The following CEP135 variants were observed in gnomAD, a reference collection of about 807,000 sequenced individuals.
CEP135 encodes the protein centrosomal protein 135.
Under a neutral mutation model 157.3 loss-of-function variants are expected in CEP135, and 142 were observed. The observed-to-expected ratio is 0.90, with a 90% CI of 0.79 to 1.04. The LOEUF (loss-of-function observed/expected upper bound fraction) is 1.04. CEP135 is among the 50% of genes least tolerant of loss of function. The pLI, the probability that CEP135 is intolerant of heterozygous loss-of-function variation, is 0.00. For synonymous variants in CEP135, 396 were observed against 439.8 expected, an observed-to-expected ratio of 0.90 and a Z score of 1.25; for missense variants, 1,317 against 1,309.2, an observed-to-expected ratio of 1.01 and a Z score of -0.09.
At chr4:56,009,516 G>A (rs1363428403) in intron 18 of CEP135, among the ~76,000 whole-genome samples, 2 of 152,036 alleles carry the variant, frequency 1.3e-5, no homozygotes, top group Non-Finnish European at 2.9e-5. Context: ...CTTGACTGTT[G>A]GAATAACATT....
At chr4:56,030,216 C>G (rs1038944340) in intron 25 of CEP135, among the ~76,000 whole-genome samples, 1 of 152,060 alleles carries the variant, frequency 6.6e-6, no homozygotes, top group African/African-American at 2.4e-5. Context: ...TGCCTTCTTC[C>G]GGAATACTTC....
chr4:56,025,259 G>A (rs1292089945), intron 25 of CEP135, among the ~76,000 whole-genome samples: 4 of 152,132 alleles, frequency 2.6e-5, no homozygotes, highest in African/African-American at 9.7e-5. Flanking sequence ...GGGACTACAG[G>A]CTGGTCCATG....
chr4:55,997,845 G>A (rs905499766), intron 15 of CEP135, among the ~76,000 whole-genome samples: 38 of 152,240 alleles, frequency 2.5e-4, no homozygotes, highest in African/African-American at 8.4e-4. Flanking sequence ...CTAGCTTTTA[G>A]GAATAGTGTG....
rs766575411 is a variant in CEP135, at chr4:55,964,290, G to A, written c.716G>A (p.Arg239Gln). 56 of 1,610,640 alleles carry A rather than the reference G, an allele frequency of 3.5e-5. No homozygotes were observed. The highest frequency in any genetic ancestry group is 4.2e-5 in the Non-Finnish European group (50 of 1,178,690). ...DYSKQIELRE[R>Q]EIERLSVALD... ...TATCTTCAGATTGAGCTAAGAGAAC[G>A]AGAGATAGAACGACTGTCAGTTGCT... Residue 239 changes from arginine (R) to glutamine (Q), a missense_variant, in exon 7 of 26, where the codon CGA becomes CAA. Transcript: ENST00000257287.
chr4:56,019,926 G>A (rs564574657), intron 23 of CEP135, among the ~76,000 whole-genome samples: 19 of 152,302 alleles, frequency 1.2e-4, no homozygotes, highest in African/African-American at 4.3e-4. Context: ...GCGACAGAGC[G>A]AGACGCTGTC....
rs534949672 is a variant in CEP135, at chr4:55,962,843, C to T, written c.700-1431C>T. On this transcript the variant is annotated intron_variant, in intron 6 of 25. Transcript: ENST00000257287. ...ATGTATCTTTTTCAAGTGTCCTCATCTGCTCTCTTGGTTTAAAATACTGCC... is the reference window on the plus strand; with the variant it reads ...ATGTATCTTTTTCAAGTGTCCTCATTTGCTCTCTTGGTTTAAAATACTGCC... 4.7e-5 allele frequency among the ~76,000 whole-genome samples: 7 copies of T among 150,342 alleles called. No homozygotes were observed. In the South Asian group the frequency reaches 1.5e-3, roughly 32 times the overall value.
At chr4:55,963,855 G>C in intron 6 of CEP135, among the ~76,000 whole-genome samples, 1 of 152,176 alleles carries the variant, frequency 6.6e-6, no homozygotes, top group East Asian at 1.9e-4. Flanking sequence ...TAATATTGAG[G>C]TTCAGTAGCA....
rs372590065 is a variant in CEP135, at chr4:56,008,406, C to A, written c.2336+24C>A. The A allele has an allele frequency of 3.1e-4, 491 of 1,581,394 alleles. 1 individual carries two copies. Among genetic ancestry groups the A allele is most frequent in the Non-Finnish European group, 3.9e-4 (448 of 1,156,948 alleles). On this transcript the variant is annotated intron_variant, in intron 18 of 25. Coordinates refer to ENST00000257287, the MANE Select transcript of CEP135 (RefSeq NM_025009.5). ...AAGTAAGTCATTAATGAAATTACATCCAGCTTTTTAGGAGATTTTCAGTGA... is the reference window on the plus strand; with the variant it reads ...AAGTAAGTCATTAATGAAATTACATACAGCTTTTTAGGAGATTTTCAGTGA...
In CEP135 at chr4:55,971,291, G is replaced by T. The variant is rs1729018168; in HGVS notation, c.1132G>T (p.Glu378Ter). 1 of 1,591,072 alleles carries T rather than the reference G, an allele frequency of 6.3e-7. No individual in the cohort carries two copies. Among genetic ancestry groups the T allele is most frequent in the Non-Finnish European group, 8.5e-7 (1 of 1,172,370 alleles). The change falls in exon 10 of 26, where the codon GAA becomes TAA. Residue 378 changes from glutamate (E) to a stop codon, truncating the protein, a stop_gained. Transcript: ENST00000257287. LOFTEE classifies it high-confidence loss of function. Reference sequence around the variant, plus strand: ...GCAGGAATTGAACTTATGCCAGAAAGAAAAGGAGAGACTGAGTGATGAACT... The same window carrying T: ...GCAGGAATTGAACTTATGCCAGAAATAAAAGGAGAGACTGAGTGATGAACT... ...LQLELNLCQK[E>*]KERLSDELLV...
intron 17 of CEP135, 121 bp from the exon 18 acceptor site, chr4:56,008,206 G>A: frequency 1.5e-6 from 1 of 676,816 alleles, no homozygotes; most frequent in South Asian, 1.8e-5. Context: ...TTGGAGCTTT[G>A]TTTTAGGCAT....
chr4:55,999,074 T>C (rs2109712883), intron 15 of CEP135, among the ~76,000 whole-genome samples: 1 of 152,328 alleles, frequency 6.6e-6, no homozygotes, highest in Non-Finnish European at 1.5e-5. Context: ...ATTAATTTGA[T>C]TTTTATACTA....
rs1241742126 is a variant in CEP135 at position 55,992,061 on chromosome 4, A to G, written c.1985A>G (p.Gln662Arg). 1 of 1,600,800 alleles carries G rather than the reference A, an allele frequency of 6.2e-7. No homozygotes were observed. Among genetic ancestry groups the G allele is most frequent in the African/African-American group, 1.3e-5 (1 of 74,144 alleles). The change falls in exon 15 of 26, where the codon CAG becomes CGG. Residue 662 changes from glutamine (Q) to arginine (R), a missense_variant. Coordinates refer to ENST00000257287, the MANE Select transcript of CEP135 (RefSeq NM_025009.5). ...FSHVAGDSSH[Q>R]KTEVNSLRIV... is the part of the protein sequence containing the mutation. ...CATGTGGCTGGTGACTCATCTCATC[A>G]GAAAACAGAGGTGAACTCACTTAGG...
chr4:55,955,482 G>A (rs890770928), intron 4 of CEP135, among the ~76,000 whole-genome samples: 5 of 152,146 alleles, frequency 3.3e-5, no homozygotes, highest in Non-Finnish European at 5.9e-5. Context: ...ACTCAGTGGA[G>A]CGTGAGATAG....
intron 11 of CEP135, among the ~76,000 whole-genome samples, chr4:55,977,852 G>A (rs1005579335): frequency 1.3e-5 from 2 of 152,122 alleles, no homozygotes; most frequent in African/African-American, 4.8e-5. Flanking sequence ...TCTAGTTACC[G>A]GTGAATGGTT....
chr4:55,959,621 C>T (rs762211566), intron 5 of CEP135, 61 bp from the exon 6 acceptor site: 17 of 1,376,422 alleles, frequency 1.2e-5, no homozygotes, highest in South Asian at 9.6e-5. Flanking sequence ...CATCTAGCTT[C>T]GTTTCTTATT....
At chr4:55,965,591 G>A (rs2109657113) in intron 7 of CEP135, 53 bp from the exon 8 acceptor site, 1 of 1,207,268 alleles carries the variant, frequency 8.3e-7, no homozygotes, top group African/African-American at 1.5e-5. Flanking sequence ...GAAAGTCAGT[G>A]TTTAGGATAA....
At position 56,017,812 on chromosome 4, in the gene CEP135, T is replaced by TTA. The variant is rs1730831658; in HGVS notation, c.2967_2968insTA (p.Ile990Ter). On this transcript the variant is annotated frameshift_variant, in exon 22 of 26. Coordinates refer to ENST00000257287, the MANE Select transcript of CEP135 (RefSeq NM_025009.5). LOFTEE classifies it high-confidence loss of function. Reference sequence around the variant, plus strand: ...GCATTAAACTTGATTCAGGCAAAGATATTATGACCCAGCAATTGAATTCGA... The same window carrying TTA: ...GCATTAAACTTGATTCAGGCAAAGATTAATTATGACCCAGCAATTGAATTCGA... 5.6e-6 allele frequency: 9 copies of TTA among 1,613,532 alleles called. No individual in the cohort carries two copies. Among genetic ancestry groups the TTA allele is most frequent in the Non-Finnish European group, 7.6e-6 (9 of 1,179,984 alleles).
chr4:56,020,878 A>T (rs1730952733), intron 24 of CEP135, 98 bp downstream of exon 24: 1 of 866,898 alleles, frequency 1.2e-6, no homozygotes, highest in African/African-American at 1.7e-5. Flanking sequence ...CAAACTTTTT[A>T]AAAAGCTAAT....
chr4:55,958,350 G>A (rs570551205), intron 5 of CEP135, among the ~76,000 whole-genome samples: 5 of 152,120 alleles, frequency 3.3e-5, no homozygotes, highest in African/African-American at 4.8e-5. Flanking sequence ...TAGGCAGATC[G>A]CTTGAACCTG....
Sources: allele counts gnomAD v4.1 joint callset (sites outside exome capture counted in the v4.1 genomes callset), GRCh38; gene constraint gnomAD v4.1.1; transcripts MANE v1.5; gene names NCBI Gene and HGNC (gene_info 2026-07-23, HGNC 2026-07-21).